ZNF728: variants seen among roughly 807,000 people sequenced by gnomAD.
ZNF728 encodes zinc finger protein 728.
A neutral mutation model predicts 12.5 loss-of-function variants in ZNF728; 12 were observed. The observed-to-expected ratio is 0.96, with a 90% CI of 0.61 to 1.55. The LOEUF (loss-of-function observed/expected upper bound fraction) is 1.55, where lower values mean the gene tolerates loss of function less well. ZNF728 is among the 40% of genes most tolerant of loss of function. The probability of loss-of-function intolerance (pLI) is 0.00; values close to 1 mark genes in which losing one functional copy is unlikely to be tolerated. For missense variants in ZNF728, 692 were observed against 719.2 expected (o/e 0.96, Z 0.43); for synonymous variants, 205 against 240.7 (o/e 0.85, Z 1.37).
chr19:22,976,180 T>C lies in ZNF728; in HGVS notation c.1157A>G (p.His386Arg). The change falls in exon 4 of 4, where the codon CAC (histidine) becomes CGC (arginine). Residue 386 changes from histidine (H) to arginine (R), a missense_variant. This residue lies in a region of ZNF728 where 440 missense variants were observed against 459.6 expected (regional missense o/e 0.96). Coordinates refer to ENST00000594710, the MANE Select transcript of ZNF728 (RefSeq NM_001267716.2). The part of the protein sequence containing the change: ...AFSWPSSLTE[H>R]KRIHAGDKPY... ...TTTGTCTCCAGCATGAATTCTCTTG[T>C]GTTCAGTAAGGCTTGAGGGCCAGCT... 6.2e-7 allele frequency: 1 copy of C among 1,613,734 alleles called. No individual in the cohort carries two copies. Among genetic ancestry groups the C allele is most frequent in the Non-Finnish European group, 8.5e-7 (1 of 1,179,948 alleles).
At chr19:22,988,999 C>T (rs1341286804) in intron 1 of ZNF728, among the ~76,000 whole-genome samples, 3 of 142,226 alleles carry the variant, frequency 2.1e-5, no homozygotes, top group African/African-American at 5.2e-5. Context: ...TGTGGTGAGC[C>T]GAGATCATGC....
chr19:22,984,948 G>A (rs1342774263), intron 3 of ZNF728, among the ~76,000 whole-genome samples: 1 of 152,034 alleles, frequency 6.6e-6, no homozygotes, highest in Admixed American at 6.6e-5. Context: ...TTAGACTAAT[G>A]AAATAGAATG....
intron 3 of ZNF728, among the ~76,000 whole-genome samples, chr19:22,986,022 C>T (rs1968912827): frequency 6.6e-6 from 1 of 152,186 alleles, no homozygotes; most frequent in African/African-American, 2.4e-5. Context: ...ATTACAACTA[C>T]CCAAGCCCCT....
intron 3 of ZNF728, among the ~76,000 whole-genome samples, chr19:22,978,507 G>GCTCTC (rs550128546): frequency 3.9e-5 from 6 of 152,222 alleles, no homozygotes; most frequent in South Asian, 2.1e-4. Flanking sequence ...TTTGAGCTCT[G>GCTCTC]CTAAGGGTCA....
intron 1 of ZNF728, among the ~76,000 whole-genome samples, chr19:22,997,811 T>A (rs1257951634): frequency 7.4e-5 from 11 of 149,548 alleles, no homozygotes; most frequent in African/African-American, 1.7e-4. Flanking sequence ...AAAAGAGACA[T>A]TACCACTAAC....
At chr19:23,002,025 A>C (rs992060329) in intron 1 of ZNF728, among the ~76,000 whole-genome samples, 1 of 152,172 alleles carries the variant, frequency 6.6e-6, no homozygotes, top group South Asian at 2.1e-4. Flanking sequence ...CTTTTAAAAA[A>C]TCTAATTCGG....
At chr19:23,000,013 C>T (rs534893091) in intron 1 of ZNF728, among the ~76,000 whole-genome samples, 94 of 151,596 alleles carry the variant, frequency 6.2e-4, no homozygotes, top group African/African-American at 2.1e-3. Flanking sequence ...TATTTTTTTT[C>T]CTTGGTAGCT....
intron 3 of ZNF728, among the ~76,000 whole-genome samples, chr19:22,979,313 A>G (rs1357413289): frequency 8.5e-5 from 13 of 152,144 alleles, no homozygotes; most frequent in Non-Finnish European, 1.5e-4. Flanking sequence ...AAGATTAGAG[A>G]AAAAAAGAAT....
At position 22,987,313 on chromosome 19, in the gene ZNF728, G is replaced by A. The variant is rs775147778; in HGVS notation, c.221C>T (p.Pro74Leu). 44 of 1,609,156 alleles carry A rather than the reference G, an allele frequency of 2.7e-5. No homozygotes were observed. In the Middle Eastern group the frequency reaches 8.3e-4, roughly 30 times the overall value. ...CTGTATTCATTCTCACCTACCTGGC[G>A]GTTCTTTCACCAGCTCATGTCTCTT... ...NMKRHELVKEPPVICSHFAQD... is the reference protein window; with the variant it reads ...NMKRHELVKELPVICSHFAQD... The change falls in exon 3 of 4, where the codon CCG becomes CTG. Residue 74 changes from proline to leucine, a missense_variant. Pro to Leu is a moderately conservative substitution (Grantham distance 98). Coordinates refer to ENST00000594710, the MANE Select transcript of ZNF728 (RefSeq NM_001267716.2).
chr19:22,989,051 CAAAAAAAAAA>C (rs68080575), intron 1 of ZNF728, among the ~76,000 whole-genome samples: 3 of 50,190 alleles, frequency 6.0e-5, no homozygotes, highest in East Asian at 1.6e-3. Flanking sequence ...AACTCCATCT[CAAAAAAAAAA>C]AAAAAAAAAA....
At position 22,976,775 on chromosome 19, in the gene ZNF728, G is replaced by T; in HGVS notation, c.562C>A (p.Leu188Ile). ...GTATAAATTCTTTTATGTTGAGATA[G>T]GTGTGAAAGCATGCAAAATGATCTG... ...YVRSFCMLSH[L>I]SQHKRIYTRE... The change falls in exon 4 of 4, where the codon CTA becomes ATA. Residue 188 changes from leucine to isoleucine, a missense_variant. By Grantham distance (5) the Leu-to-Ile change is conservative. This residue lies in a region of ZNF728 where 440 missense variants were observed against 459.6 expected (regional missense o/e 0.96). Transcript: ENST00000594710. 1.9e-6 allele frequency: 3 copies of T among 1,613,430 alleles called. No homozygotes were observed. Among genetic ancestry groups the T allele is most frequent in the Non-Finnish European group, 2.5e-6 (3 of 1,179,840 alleles).
chr19:23,002,084 G>A (rs1969119304), intron 1 of ZNF728, among the ~76,000 whole-genome samples: 1 of 152,222 alleles, frequency 6.6e-6, no homozygotes, highest in South Asian at 2.1e-4. Context: ...GGGAGGCCGA[G>A]GCAGGTGGAT....
intron 3 of ZNF728, among the ~76,000 whole-genome samples, chr19:22,980,437 C>T (rs1315692930): frequency 6.6e-6 from 1 of 152,250 alleles, no homozygotes; most frequent in African/African-American, 2.4e-5. Flanking sequence ...TAGTGGGAGA[C>T]TTTAACACCC....
At chr19:23,002,442 G>A (rs1268081467) in intron 1 of ZNF728, among the ~76,000 whole-genome samples, 1 of 152,136 alleles carries the variant, frequency 6.6e-6, no homozygotes, top group East Asian at 1.9e-4. Flanking sequence ...TTGATAGTAC[G>A]AATTAAGAAA....
chr19:23,002,937 G>A, intron 1 of ZNF728, 91 bp downstream of exon 1: 2 of 1,518,270 alleles, frequency 1.3e-6, no homozygotes, highest in Non-Finnish European at 1.8e-6. Flanking sequence ...GGAGCTGACT[G>A]AGAGGAGGCC....
In ZNF728 at chr19:22,975,504, C is replaced by T; in HGVS notation, c.1833G>A (p.Lys611=). The change falls in exon 4 of 4, where the codon AAG becomes AAA. Residue 611 remains lysine (K), a synonymous_variant. Transcript: ENST00000594710. The part of the protein sequence containing the change: ...FNQSSHLTTH[K]RIHTGGKTLQ... Reference sequence around the variant, plus strand: ...GGGTTTTTCCTCCAGTATGAATTCTCTTATGAGTAGTAAGGTGTGAGGATT... The same window carrying T: ...GGGTTTTTCCTCCAGTATGAATTCTTTTATGAGTAGTAAGGTGTGAGGATT... The T allele has an allele frequency of 6.4e-7, 1 of 1,555,322 alleles. No homozygotes were observed. The highest frequency in any genetic ancestry group is 8.7e-7 in the Non-Finnish European group (1 of 1,154,408).
chr19:22,984,893 A>G (rs1968899632), intron 3 of ZNF728, among the ~76,000 whole-genome samples: 1 of 152,160 alleles, frequency 6.6e-6, no homozygotes, highest in African/African-American at 2.4e-5. Flanking sequence ...TTCAAAAGAC[A>G]TTCCAAGCTA....
At chr19:22,997,839 A>C (rs1599534162) in intron 1 of ZNF728, among the ~76,000 whole-genome samples, 3 of 152,108 alleles carry the variant, frequency 2.0e-5, no homozygotes, top group Non-Finnish European at 4.4e-5. Context: ...AAATATACTG[A>C]AGTCTGCTAT....
Position 22,976,407 on chromosome 19 carries a change from T to C in ZNF728, c.930A>G (p.Lys310=). 1 of 1,613,104 alleles carries C rather than the reference T, an allele frequency of 6.2e-7. No individual in the cohort carries two copies. The highest frequency in any genetic ancestry group is 1.1e-5 in the South Asian group (1 of 91,056). Residue 310 remains lysine, a synonymous_variant, in exon 4 of 4, where the codon AAA becomes AAG. Coordinates refer to ENST00000594710, the MANE Select transcript of ZNF728 (RefSeq NM_001267716.2). ...TAHKTIHAGE[K]PYKCEECGKA... Reference sequence around the variant, plus strand: ...TGCCACATTCTTCACATTTGTAGGGTTTCTCTCCAGCATGAATTGTCTTAT... The same window carrying C: ...TGCCACATTCTTCACATTTGTAGGGCTTCTCTCCAGCATGAATTGTCTTAT...
Sources: allele counts gnomAD v4.1 joint callset (sites outside exome capture counted in the v4.1 genomes callset), GRCh38; gene constraint gnomAD v4.1.1; regional missense constraint gnomAD v4.1.1; transcripts MANE v1.5; gene names NCBI Gene and HGNC (gene_info 2026-07-23, HGNC 2026-07-21).